The following TNFRSF19 variants were observed in gnomAD, a reference collection of about 807,000 sequenced individuals.
The protein encoded by TNFRSF19 is TNF receptor superfamily member 19.
A neutral mutation model predicts 46.4 loss-of-function variants in TNFRSF19; 27 were observed. That is an observed-to-expected ratio of 0.58 (90% confidence interval 0.43 to 0.80). The LOEUF (loss-of-function observed/expected upper bound fraction) is 0.80, where lower values mean the gene tolerates loss of function less well. TNFRSF19 is among the 30% of genes least tolerant of loss of function. The pLI is 0.00. For synonymous variants in TNFRSF19, 204 were observed against 205.0 expected (o/e 1.00, Z 0.04); for missense variants, 511 against 530.8 (o/e 0.96, Z 0.37).
At chr13:23,573,144 G>C (rs1418123046) in intron 1 of TNFRSF19, among the ~76,000 whole-genome samples, 1 of 152,188 alleles carries the variant, frequency 6.6e-6, no homozygotes, top group Non-Finnish European at 1.5e-5. Flanking sequence ...CCCAGTTCTA[G>C]TCCAATGTTC....
chr13:23,665,613 C>T (rs574882988), intron 7 of TNFRSF19, among the ~76,000 whole-genome samples: 1 of 152,114 alleles, frequency 6.6e-6, no homozygotes, highest in African/African-American at 2.4e-5. Flanking sequence ...GCTTTATCCC[C>T]TCTCTCTCGT....
At chr13:23,654,158 C>A (rs1269587026) in intron 5 of TNFRSF19, among the ~76,000 whole-genome samples, 2 of 152,182 alleles carry the variant, frequency 1.3e-5, no homozygotes, top group African/African-American at 4.8e-5. Flanking sequence ...TAGGAAAATT[C>A]TCCAGGAAGA....
intron 5 of TNFRSF19, among the ~76,000 whole-genome samples, chr13:23,632,602 A>G (rs1338939357): frequency 1.3e-5 from 2 of 152,154 alleles, no homozygotes; most frequent in Admixed American, 1.3e-4. Flanking sequence ...TGTCAATAAC[A>G]TGTGATTTCA....
chr13:23,659,028 G>T lies in TNFRSF19; in HGVS notation c.446-22G>T. 6.2e-7 allele frequency: 1 copy of T among 1,612,402 alleles called. No individual in the cohort carries two copies. Among genetic ancestry groups the T allele is most frequent in the South Asian group, 1.1e-5 (1 of 91,000 alleles). ...CATCTGCAGTTGTTCAGAGCATGCT[G>T]ACCCCATTCCTGTGGTTTCAGGTGC... is the stretch of plus-strand genomic sequence containing the variant. On this transcript the variant is annotated intron_variant, in intron 5 of 9. Coordinates refer to ENST00000248484, the MANE Select transcript of TNFRSF19 (RefSeq NM_148957.4). This position sits in a 1 kb window ranked among gnomAD's most constrained non-coding sequence, Gnocchi z 4.9.
chr13:23,578,109 C>T (rs1013562962), intron 1 of TNFRSF19, among the ~76,000 whole-genome samples: 5 of 152,026 alleles, frequency 3.3e-5, no homozygotes, highest in African/African-American at 1.2e-4. Context: ...GAGATGCCCT[C>T]GGGAGATCCA....
chr13:23,598,410 T>C (rs1210449507), intron 3 of TNFRSF19, among the ~76,000 whole-genome samples: 1 of 152,196 alleles, frequency 6.6e-6, no homozygotes, highest in Non-Finnish European at 1.5e-5. Flanking sequence ...AAATCATTGA[T>C]AACAGAAATC....
chr13:23,593,091 G>T (rs1237081729), intron 2 of TNFRSF19, among the ~76,000 whole-genome samples: 1 of 151,936 alleles, frequency 6.6e-6, no homozygotes, highest in Non-Finnish European at 1.5e-5. Flanking sequence ...TTAATTCCAA[G>T]AAAATGGGAT....
At chr13:23,652,511 A>G (rs1883710668) in intron 5 of TNFRSF19, among the ~76,000 whole-genome samples, 1 of 152,226 alleles carries the variant, frequency 6.6e-6, no homozygotes, top group Admixed American at 6.5e-5. Flanking sequence ...GGACTAGAGA[A>G]GGCTAAGTTT....
intron 4 of TNFRSF19, 76 bp downstream of exon 4, chr13:23,616,121 C>CCAGTT: frequency 3.5e-6 from 5 of 1,446,706 alleles, no homozygotes; most frequent in Non-Finnish European, 4.7e-6. Context: ...TTGTTCCATT[C>CCAGTT]TAAACTGGAA....
Position 23,603,425 on chromosome 13 carries a change from C to G in TNFRSF19, c.180+9970C>G, listed in dbSNP as rs149519263. On this transcript the variant is annotated intron_variant, in intron 3 of 9. Transcript: ENST00000248484. ...AAGAAGAAATTATACTCATTATCCA[C>G]AACTTCTTCCAGAATATAGCAGAGA... Among the ~76,000 whole-genome samples, 150 of 152,178 alleles carry G rather than the reference C, an allele frequency of 9.9e-4. 1 individual carries two copies. The highest frequency in any genetic ancestry group is 3.5e-3 in the African/African-American group (144 of 41,570).
chr13:23,573,404 T>C (rs1365241809), intron 1 of TNFRSF19, among the ~76,000 whole-genome samples: 1 of 152,206 alleles, frequency 6.6e-6, no homozygotes, highest in Non-Finnish European at 1.5e-5. Flanking sequence ...TTTAACATAA[T>C]TTAACACGTA....
At chr13:23,634,847 A>G (rs1882574354) in intron 5 of TNFRSF19, among the ~76,000 whole-genome samples, 1 of 152,172 alleles carries the variant, frequency 6.6e-6, no homozygotes, top group Non-Finnish European at 1.5e-5. Context: ...GCCTTAACCA[A>G]TGGATTGGGA....
At position 23,673,977 on chromosome 13, in the gene TNFRSF19, A is replaced by G. The variant is rs1256715600; in HGVS notation, c.*597A>G. 6.6e-6 allele frequency: 1 copy of G among 152,182 alleles called. No individual in the cohort carries two copies. Among genetic ancestry groups the G allele is most frequent in the Non-Finnish European group, 1.5e-5 (1 of 68,030 alleles). 9.4% of individuals were successfully genotyped at this position (152,182 alleles called of 1,614,324 possible). A position where few individuals can be genotyped will look rare whatever the true frequency, so the allele number is the denominator to read the frequency against. Reference sequence around the variant, plus strand: ...ATCTTGGGTTTATTAGATGAAGTTTACTGAATCAGAGGAATCAGACAGAGG... The same window carrying G: ...ATCTTGGGTTTATTAGATGAAGTTTGCTGAATCAGAGGAATCAGACAGAGG... On this transcript the variant is annotated 3_prime_UTR_variant, in exon 10 of 10. Transcript: ENST00000248484.
intron 4 of TNFRSF19, among the ~76,000 whole-genome samples, chr13:23,622,549 T>A (rs373279617): frequency 7.2e-5 from 11 of 152,330 alleles, no homozygotes; most frequent in East Asian, 3.9e-4. Context: ...TCTTCGATTG[T>A]CAGGGAAGGC....
intron 5 of TNFRSF19, among the ~76,000 whole-genome samples, chr13:23,637,068 T>A (rs559646722): frequency 1.3e-5 from 2 of 152,136 alleles, no homozygotes; most frequent in Admixed American, 6.5e-5. Context: ...TAAACCCAAG[T>A]GAAACACGTA....
intron 5 of TNFRSF19, among the ~76,000 whole-genome samples, chr13:23,655,662 T>C (rs531689031): frequency 1.5e-4 from 23 of 152,296 alleles, no homozygotes; most frequent in Non-Finnish European, 3.4e-4. Flanking sequence ...GTTCTTTTCT[T>C]AGGAATTATC....
At chr13:23,656,228 T>C (rs1883977579) in intron 5 of TNFRSF19, among the ~76,000 whole-genome samples, 1 of 152,222 alleles carries the variant, frequency 6.6e-6, no homozygotes, top group South Asian at 2.1e-4. Flanking sequence ...TTAAAATTGA[T>C]ATTACTGTGG....
intron 4 of TNFRSF19, among the ~76,000 whole-genome samples, chr13:23,625,617 C>T (rs1438316757): frequency 5.9e-5 from 9 of 152,034 alleles, no homozygotes; most frequent in African/African-American, 1.4e-4. Context: ...CGTGAGCCCC[C>T]GCGCCCGGCC....
chr13:23,661,323 T>C (rs7322542), intron 7 of TNFRSF19, among the ~76,000 whole-genome samples: 15,735 of 152,244 alleles, frequency 0.1, 898 homozygotes, highest in East Asian at 0.22. Flanking sequence ...CTTAGTTTAC[T>C]GAGGTAATGG....
Sources: allele counts gnomAD v4.1 joint callset (sites outside exome capture counted in the v4.1 genomes callset), GRCh38; gene constraint gnomAD v4.1.1; non-coding constraint Gnocchi (gnomAD v3.1); transcripts MANE v1.5; gene names NCBI Gene and HGNC (gene_info 2026-07-23, HGNC 2026-07-21).